The following DYNC1H1 variants were observed in gnomAD, a reference collection of about 807,000 sequenced individuals.
DYNC1H1 encodes the protein dynein cytoplasmic 1 heavy chain 1, also known as cytoplasmic dynein 1 heavy chain 1.
A neutral mutation model predicts 527.1 loss-of-function variants in DYNC1H1; 51 were observed. That is an observed-to-expected ratio of 0.10 (90% confidence interval 0.08 to 0.12). The LOEUF is 0.12. DYNC1H1 is among the 10% of genes least tolerant of loss of function. DYNC1H1 has a pLI of 1.00. For missense variants in DYNC1H1, 2,771 were observed against 5,971.8 expected, an observed-to-expected ratio of 0.46 and a Z score of 17.66; for synonymous variants, 2,189 against 2,278.8, an observed-to-expected ratio of 0.96 and a Z score of 1.12.
At chr14:102,045,742 C>T (rs1161541924) in intron 72 of DYNC1H1, among the ~76,000 whole-genome samples, 1 of 151,922 alleles carries the variant, frequency 6.6e-6, no homozygotes, top group East Asian at 1.9e-4. Flanking sequence ...TTTTCACTTA[C>T]TTACAAGATG....
intron 57 of DYNC1H1, chr14:102,037,623 C>T (rs1567020692): frequency 6.6e-6 from 1 of 152,282 alleles, no homozygotes; most frequent in Non-Finnish European, 1.5e-5. Context: ...AGGAACAACA[C>T]ACACTGGGAC....
intron 73 of DYNC1H1, 118 bp downstream of exon 73, chr14:102,048,146 G>T (rs965869049): frequency 1.1e-5 from 14 of 1,312,936 alleles, no homozygotes; most frequent in Non-Finnish European, 1.1e-6. Flanking sequence ...TACTCACACC[G>T]GTGTCACCTC....
Position 102,042,219 on chromosome 14 carries a change from C to G in DYNC1H1, c.12215-9C>G, listed in dbSNP as rs755152554. ...CTGCCGCTGCTAACACTAAGTTTCC[C>G]TGCACCAGGCTCTGCAGAAGGCTTT... is the stretch of plus-strand genomic sequence containing the variant. On this transcript the variant is annotated splice_polypyrimidine_tract_variant and intron_variant, in intron 66 of 77. Transcript: ENST00000360184. The surrounding 1 kb of genome is among the most constrained non-coding windows in gnomAD (Gnocchi z 5.7). 1.2e-6 allele frequency: 2 copies of G among 1,613,950 alleles called. No homozygotes were observed. Among genetic ancestry groups the G allele is most frequent in the African/African-American group, 2.7e-5 (2 of 74,872 alleles).
Position 102,027,864 on chromosome 14 carries a change from G to A in DYNC1H1, c.9263+31G>A. The A allele has an allele frequency of 6.2e-7, 1 of 1,614,186 alleles. No individual in the cohort carries two copies. The highest frequency in any genetic ancestry group is 8.5e-7 in the Non-Finnish European group (1 of 1,180,032). On this transcript the variant is annotated intron_variant, in intron 47 of 77. Coordinates refer to ENST00000360184, the MANE Select transcript of DYNC1H1 (RefSeq NM_001376.5). The surrounding 1 kb of genome is among the most constrained non-coding windows in gnomAD (Gnocchi z 7.7). ...TGGGCCTTTACTTGGCTCTGGGTCAGGAAAGTCGGTGTCCTTCCAAGGGAC... is the reference window on the plus strand; with the variant it reads ...TGGGCCTTTACTTGGCTCTGGGTCAAGAAAGTCGGTGTCCTTCCAAGGGAC...
At chr14:101,973,934 A>G (rs2047769477) in intron 1 of DYNC1H1, among the ~76,000 whole-genome samples, 2 of 152,142 alleles carry the variant, frequency 1.3e-5, no homozygotes, top group Admixed American at 1.3e-4. Flanking sequence ...TTAGTGCTTA[A>G]TGAAACCTTA....
intron 16 of DYNC1H1, among the ~76,000 whole-genome samples, chr14:101,999,161 C>T (rs1251333284): frequency 2.6e-5 from 4 of 151,932 alleles, no homozygotes; most frequent in African/African-American, 7.3e-5. Context: ...GGATTATAGG[C>T]GTGAGCCACC....
intron 72 of DYNC1H1, among the ~76,000 whole-genome samples, chr14:102,047,314 C>A (rs1018524483): frequency 6.6e-6 from 1 of 152,076 alleles, no homozygotes; most frequent in African/African-American, 2.4e-5. Context: ...GAGCAGATCA[C>A]CTGAGGTCAG....
intron 69 of DYNC1H1, 71 bp from the exon 70 acceptor site, chr14:102,043,804 C>T (rs973034791): frequency 1.2e-6 from 2 of 1,606,986 alleles, no homozygotes; most frequent in African/African-American, 2.7e-5. Flanking sequence ...TTTGACTGAC[C>T]TGGCATCTGC....
In DYNC1H1 at chr14:102,004,961, G is replaced by A. The variant is rs1367310042; in HGVS notation, c.5238+11G>A. 2 of 1,614,106 alleles carry A rather than the reference G, an allele frequency of 1.2e-6. No homozygotes were observed. Among genetic ancestry groups the A allele is most frequent in the African/African-American group, 2.7e-5 (2 of 74,942 alleles). ...ATTGATAAATACCAGGTAATCTATA[G>A]TAGAAGTGAGTGGGCTCGTGGTGAA... On this transcript the variant is annotated intron_variant, in intron 25 of 77. Transcript: ENST00000360184.
intron 23 of DYNC1H1, 121 bp from the exon 24 acceptor site, chr14:102,004,397 G>T: frequency 8.9e-7 from 1 of 1,125,808 alleles, no homozygotes; most frequent in South Asian, 1.6e-5. Context: ...TCTGAATTTG[G>T]GCTGGAGATT....
In DYNC1H1 at chr14:102,000,010, G is replaced by T; in HGVS notation, c.3826G>T (p.Ala1276Ser). 6.2e-7 allele frequency: 1 copy of T among 1,614,226 alleles called. No individual in the cohort carries two copies. The highest frequency in any genetic ancestry group is 1.1e-5 in the South Asian group (1 of 91,080). Residue 1276 changes from alanine to serine, a missense_variant, in exon 17 of 78, where the codon GCA becomes TCA. Ala to Ser is a moderately conservative substitution (Grantham distance 99). This residue lies in a region of DYNC1H1 where 223 missense variants were observed against 462.5 expected (regional missense o/e 0.48). Coordinates refer to ENST00000360184, the MANE Select transcript of DYNC1H1 (RefSeq NM_001376.5). The part of the protein sequence containing the change: ...PVTGNLRPEE[A>S]LQALTIYEGK... ...TCAGGGCAACCTTCGCCCAGAAGAG[G>T]CACTTCAGGCTCTCACCATATATGA...
rs1200548906 is a variant in DYNC1H1 at position 102,030,476 on chromosome 14, C to G, written c.9883+194C>G. ...TTCATCTCTCAAAGCAAAGTTCCTA[C>G]AAAGCTAGATTGTATTTACCATAGT... On this transcript the variant is annotated intron_variant, in intron 51 of 77. Coordinates refer to ENST00000360184, the MANE Select transcript of DYNC1H1 (RefSeq NM_001376.5). 4 of 740,164 alleles carry G rather than the reference C, an allele frequency of 5.4e-6. No individual in the cohort carries two copies. The African/African-American group carries it at 7.1e-5, about 13-fold the overall frequency. 45.8% of individuals were successfully genotyped at this position (740,164 alleles called of 1,614,324 possible).
Position 102,041,318 on chromosome 14 carries a change from ATTAGT to A in DYNC1H1, c.11942-250_11942-246del. 1.8e-6 allele frequency: 1 copy of A among 541,770 alleles called. No homozygotes were observed. The highest frequency in any genetic ancestry group is 5.2e-4 in the Middle Eastern group (1 of 1,906). 33.6% of individuals were successfully genotyped at this position (541,770 alleles called of 1,614,324 possible). A position where few individuals can be genotyped will look rare whatever the true frequency, so the allele number is the denominator to read the frequency against. ...AGGTGTTCTCAGGAAGTGAGCAGGT[ATTAGT>A]TTAGTAATCTAAAAATCAGCAAATG... On this transcript the variant is annotated intron_variant, in intron 64 of 77. Transcript: ENST00000360184. This position sits in a 1 kb window ranked among gnomAD's most constrained non-coding sequence, Gnocchi z 4.5.
chr14:102,040,784 GC>G lies in DYNC1H1; in HGVS notation c.11941+115del. ...TTACTAGCCTGGGCAACATAGTAAG[GC>G]CCCATCTCTACAAAAAATAAAACCT... On this transcript the variant is annotated intron_variant, in intron 64 of 77. Coordinates refer to ENST00000360184, the MANE Select transcript of DYNC1H1 (RefSeq NM_001376.5). 3.1e-6 allele frequency: 4 copies of G among 1,276,690 alleles called. No homozygotes were observed. The South Asian group carries it at 3.6e-5, about 12-fold the overall frequency. 79.1% of individuals were successfully genotyped at this position (1,276,690 alleles called of 1,614,324 possible).
intron 23 of DYNC1H1, 68 bp downstream of exon 23, chr14:102,003,033 T>A (rs954100921): frequency 8.8e-6 from 14 of 1,599,268 alleles, no homozygotes; most frequent in African/African-American, 2.7e-5. Context: ...TCCAGTGATC[T>A]TCTTTCCCTT....
intron 72 of DYNC1H1, among the ~76,000 whole-genome samples, chr14:102,046,851 T>G: frequency 6.6e-6 from 1 of 150,972 alleles, no homozygotes; most frequent in South Asian, 2.1e-4. Flanking sequence ...CAGACTGGAG[T>G]GCAGTGGTGC....
intron 2 of DYNC1H1, among the ~76,000 whole-genome samples, chr14:101,977,055 A>C (rs576826942): frequency 6.6e-6 from 1 of 152,334 alleles, no homozygotes; most frequent in African/African-American, 2.4e-5. Flanking sequence ...TCAATTTCCC[A>C]CAGATACCAA....
rs758794958 is a variant in DYNC1H1, at chr14:102,033,677, T to C, written c.10413+193T>C. ...CTAAGTGTTGTTAATTAGGATAGAT[T>C]GATACAAACTGGACACTTTTCAGCC... On this transcript the variant is annotated intron_variant, in intron 54 of 77. Transcript: ENST00000360184. This position sits in a 1 kb window ranked among gnomAD's most constrained non-coding sequence, Gnocchi z 5.6. 104 of 761,286 alleles carry C rather than the reference T, an allele frequency of 1.4e-4. 1 individual carries two copies. The highest frequency in any genetic ancestry group is 2.1e-4 in the Non-Finnish European group (96 of 462,108). The allele number at this position is 761,286 out of a possible 1,614,324, so 47.2% of individuals were successfully genotyped here.
Position 102,048,160 on chromosome 14 carries a change from G to A in DYNC1H1, c.13218+132G>A. On this transcript the variant is annotated intron_variant, in intron 73 of 77. Transcript: ENST00000360184. ...GTACTCACACCGGTGTCACCTCAGAGCAGGTGTCCAGCTGAGCCCAGGCAT... is the reference window on the plus strand; with the variant it reads ...GTACTCACACCGGTGTCACCTCAGAACAGGTGTCCAGCTGAGCCCAGGCAT... The A allele has an allele frequency of 2.5e-6, 3 of 1,215,292 alleles. No individual in the cohort carries two copies. The South Asian group carries it at 4.1e-5, about 17-fold the overall frequency. The allele number at this position is 1,215,292 out of a possible 1,614,324, so 75.3% of individuals were successfully genotyped here.
Sources: gnomAD v4.1 joint callset for allele counts (sites outside exome capture counted in the v4.1 genomes callset) on GRCh38, gnomAD v4.1.1 for gene constraint, gnomAD v4.1.1 regional missense constraint, Gnocchi (gnomAD v3.1) non-coding constraint, MANE v1.5 for transcripts, NCBI Gene and HGNC (gene_info 2026-07-23, HGNC 2026-07-21) for gene names.